The following ANKRD28 variants were observed in gnomAD, a reference collection of about 807,000 sequenced individuals.
ANKRD28 encodes the protein ankyrin repeat domain 28, also known as serine/threonine-protein phosphatase 6 regulatory ankyrin repeat subunit A.
Under a neutral mutation model 126.5 loss-of-function variants are expected in ANKRD28, and 44 were observed. The ratio of observed to expected loss-of-function variants is 0.35; its 90% CI spans 0.27 to 0.45. The LOEUF is 0.45. Among genes scored for constraint, ANKRD28 ranks in the 20% least tolerant of loss-of-function variants. ANKRD28 has a pLI of 1.00. For synonymous variants in ANKRD28, 442 were observed against 468.5 expected (o/e 0.94, Z 0.73); for missense variants, 1,110 against 1,316.6 (o/e 0.84, Z 2.43).
intron 3 of ANKRD28, among the ~76,000 whole-genome samples, chr3:15,762,583 A>G (rs2058546259): frequency 6.6e-6 from 1 of 152,054 alleles, no homozygotes; most frequent in East Asian, 1.9e-4. Context: ...ATTTTCCCCC[A>G]GTAGGTAAGT....
At chr3:15,711,708 A>C (rs2072305833) in intron 11 of ANKRD28, among the ~76,000 whole-genome samples, 1 of 151,302 alleles carries the variant, frequency 6.6e-6, no homozygotes, top group Non-Finnish European at 1.5e-5. Flanking sequence ...TTTTTTTGAG[A>C]CAGAGTCTCG....
intron 1 of ANKRD28, among the ~76,000 whole-genome samples, chr3:15,835,764 A>G (rs1372478322): frequency 6.6e-6 from 1 of 152,234 alleles, no homozygotes; most frequent in Admixed American, 6.5e-5. Flanking sequence ...AGAAGATGGG[A>G]GTAAACTGGC....
intron 4 of ANKRD28, among the ~76,000 whole-genome samples, chr3:15,737,923 T>C (rs1002283594): frequency 2.8e-5 from 4 of 142,098 alleles, no homozygotes; most frequent in Admixed American, 2.8e-4. Flanking sequence ...AGACACAACA[T>C]AGACAAGGTT....
chr3:15,765,674 T>C (rs926006869), intron 3 of ANKRD28, among the ~76,000 whole-genome samples: 8 of 152,014 alleles, frequency 5.3e-5, no homozygotes, highest in Non-Finnish European at 8.8e-5. Flanking sequence ...ACCCCGTCTC[T>C]ACTAAAAATA....
chr3:15,689,915 G>T, intron 18 of ANKRD28, 104 bp downstream of exon 18: 3 of 1,034,486 alleles, frequency 2.9e-6, no homozygotes, highest in Non-Finnish European at 4.1e-6. Flanking sequence ...AAAAAAAAAA[G>T]GTCAAAATTT....
chr3:15,764,509 A>G (rs1024637643), intron 3 of ANKRD28, among the ~76,000 whole-genome samples: 2 of 150,040 alleles, frequency 1.3e-5, no homozygotes, highest in African/African-American at 2.4e-5. Context: ...TGAGCATTTG[A>G]AAAGTTTCTC....
intron 17 of ANKRD28, among the ~76,000 whole-genome samples, chr3:15,692,435 G>A (rs1344432887): frequency 1.3e-5 from 2 of 152,184 alleles, no homozygotes; most frequent in Non-Finnish European, 2.9e-5. Flanking sequence ...GGATGACAGA[G>A]TGAGACAATG....
intron 12 of ANKRD28, among the ~76,000 whole-genome samples, chr3:15,710,923 C>A (rs2072186466): frequency 6.6e-6 from 1 of 151,990 alleles, no homozygotes; most frequent in African/African-American, 2.4e-5. Context: ...TGAGAACATA[C>A]TTTTTAAAGA....
At position 15,685,354 on chromosome 3, in the gene ANKRD28, T is replaced by G. The variant is rs1575138532; in HGVS notation, c.2261A>C (p.His754Pro). The G allele has an allele frequency of 6.2e-7, 1 of 1,613,978 alleles. No homozygotes were observed. Among genetic ancestry groups the G allele is most frequent in the Non-Finnish European group, 8.5e-7 (1 of 1,179,864 alleles). ...AATGTGTCCACAGGCAGCAGACAGGTGTATAGGCGTCCGGCCCCTGCTATC... is the reference window on the plus strand; with the variant it reads ...AATGTGTCCACAGGCAGCAGACAGGGGTATAGGCGTCCGGCCCCTGCTATC... ...LRDSRGRTPI[H>P]LSAACGHIGV... The change falls in exon 21 of 28, where the codon CAC (histidine) becomes CCC (proline). Residue 754 changes from histidine (H) to proline (P), a missense_variant. His to Pro is a moderately conservative substitution (Grantham distance 77). Transcript: ENST00000683139.
chr3:15,770,599 A>G (rs142806597), intron 2 of ANKRD28, among the ~76,000 whole-genome samples: 385 of 152,214 alleles, frequency 2.5e-3, no homozygotes, highest in African/African-American at 8.9e-3. Flanking sequence ...CACTTGAAAC[A>G]CTTTTGTCTC....
intron 17 of ANKRD28, among the ~76,000 whole-genome samples, chr3:15,691,568 T>C (rs2068808128): frequency 6.6e-6 from 1 of 152,220 alleles, no homozygotes; most frequent in Non-Finnish European, 1.5e-5. Context: ...CAAAGGACTA[T>C]AATGCCATTT....
At chr3:15,764,598 C>T (rs2058653130) in intron 3 of ANKRD28, among the ~76,000 whole-genome samples, 1 of 150,484 alleles carries the variant, frequency 6.6e-6, no homozygotes, top group East Asian at 2.0e-4. Flanking sequence ...TATGACAAAA[C>T]AAAAATAATC....
chr3:15,723,519 G>C (rs1443636708), intron 7 of ANKRD28, among the ~76,000 whole-genome samples: 3 of 152,200 alleles, frequency 2.0e-5, no homozygotes, highest in Admixed American at 1.3e-4. Flanking sequence ...TGGGCTGGGT[G>C]TGGTGGCTCA....
chr3:15,679,153 G>A, intron 23 of ANKRD28, 148 bp downstream of exon 23: 2 of 662,910 alleles, frequency 3.0e-6, no homozygotes, highest in Admixed American at 5.5e-5. Flanking sequence ...TTTTTTGGTA[G>A]AGATGCAGGT....
intron 6 of ANKRD28, among the ~76,000 whole-genome samples, chr3:15,734,058 AT>A (rs1039202035): frequency 6.6e-6 from 1 of 152,184 alleles, no homozygotes; most frequent in East Asian, 1.9e-4. Context: ...TTATATATGG[AT>A]TTTTTTCTAC....
chr3:15,715,110 C>T (rs2072850237), intron 8 of ANKRD28, among the ~76,000 whole-genome samples: 1 of 152,122 alleles, frequency 6.6e-6, no homozygotes, highest in African/African-American at 2.4e-5. Flanking sequence ...AATATTTTCT[C>T]AAATCACTTA....
intron 1 of ANKRD28, among the ~76,000 whole-genome samples, chr3:15,840,529 GA>G (rs563712692): frequency 1.3e-5 from 2 of 149,116 alleles, no homozygotes; most frequent in African/African-American, 4.9e-5. Flanking sequence ...CACAGAAATA[GA>G]AAAAAAAACA....
Position 15,708,786 on chromosome 3 carries a change from T to C in ANKRD28, c.1407-722A>G, listed in dbSNP as rs372067650. ...GTGTCAAATAGTTTTTATTTTCTTC[T>C]ATTCATTTCTGATTTCCTACCATGC... On this transcript the variant is annotated intron_variant, in intron 13 of 27. Transcript: ENST00000683139. Among the ~76,000 whole-genome samples, 24 of 152,326 alleles carry C rather than the reference T, an allele frequency of 1.6e-4. No homozygotes were observed. In the South Asian group the frequency reaches 5.0e-3, roughly 32 times the overall value.
chr3:15,811,147 G>A (rs545274591), intron 1 of ANKRD28, among the ~76,000 whole-genome samples: 2 of 152,110 alleles, frequency 1.3e-5, no homozygotes, highest in Non-Finnish European at 2.9e-5. Flanking sequence ...GAGAAACAAG[G>A]CCTCAGAGTA....
Sources: allele counts gnomAD v4.1 joint callset (sites outside exome capture counted in the v4.1 genomes callset), GRCh38; gene constraint gnomAD v4.1.1; transcripts MANE v1.5; gene names NCBI Gene and HGNC (gene_info 2026-07-23, HGNC 2026-07-21).